IQSEC2: variants seen among roughly 807,000 people sequenced by gnomAD.
The protein encoded by IQSEC2 is IQ motif and SEC7 domain-containing protein 2.
IQSEC2 carries 6 observed loss-of-function variants against 74.6 expected under a neutral mutation model. The observed-to-expected ratio is 0.08, with a 90% CI of 0.04 to 0.16. IQSEC2 has a LOEUF of 0.16. Ranked by LOEUF, IQSEC2 falls within the 10% of genes least tolerant of loss-of-function variation. IQSEC2 has a pLI of 1.00. For missense variants in IQSEC2, 734 were observed against 1,306.2 expected (o/e 0.56, Z 6.75); for synonymous variants, 494 against 544.5 (o/e 0.91, Z 1.29).
chrX:53,319,860 G>A (rs782098259), intron 1 of IQSEC2, among the ~76,000 whole-genome samples: 17 of 110,671 alleles, frequency 1.5e-4, no homozygotes, highest in African/African-American at 5.6e-4. Context: ...TGCTCCCCCC[G>A]GCCAGAATGT....
rs782434002 is a variant in IQSEC2 at position 53,250,952 on chromosome X, G to A, written c.1624C>T (p.Arg542Trp). 5 of 1,210,051 alleles carry A rather than the reference G, an allele frequency of 4.1e-6. No homozygotes were observed. The highest frequency in any genetic ancestry group is 1.8e-5 in the South Asian group (1 of 56,847). Residue 542 changes from arginine to tryptophan, a missense_variant, in exon 5 of 15, where the codon CGG becomes TGG. Arg to Trp is a moderately radical substitution (Grantham distance 101). Around this residue, in one of 12 missense-constraint regions of IQSEC2, gnomAD observed 204 missense variants for 305.4 expected, o/e 0.67. Transcript: ENST00000642864. Reference protein sequence around the residue: ...LPSTEPPPQGRPEFWAPAPLP... With the variant: ...LPSTEPPPQGWPEFWAPAPLP... ...GGGGCTGGCGCCCAGAACTCGGGCC[G>A]GCCCTGGGGTGGGGGTTCTGTGCTG...
At chrX:53,266,538 G>T in intron 2 of IQSEC2, 1 of 760,670 alleles carries the variant, frequency 1.3e-6, no homozygotes, top group Non-Finnish European at 1.6e-6. Context: ...GCCCCCGTCT[G>T]GTCCTCTGAG....
intron 7 of IQSEC2, 53 bp downstream of exon 7, chrX:53,248,061 C>T: frequency 3.3e-6 from 4 of 1,196,471 alleles, no homozygotes; most frequent in Non-Finnish European, 4.5e-6. Context: ...ACACATACTA[C>T]GTCGATGCCC....
At chrX:53,248,049 A>G in intron 7 of IQSEC2, 65 bp downstream of exon 7, 1 of 1,173,108 alleles carries the variant, frequency 8.5e-7, no homozygotes, top group South Asian at 1.8e-5. Context: ...AGTGACTTAT[A>G]AACACATACT....
chrX:53,284,217 G>A lies in IQSEC2; in HGVS notation c.737+7678C>T, dbSNP rs149297408. ...CATCTCTAGCTTTGATCAGATCCTCGGATGGGTCTGTGATCCCAAAGGGTA... is the reference window on the plus strand; with the variant it reads ...CATCTCTAGCTTTGATCAGATCCTCAGATGGGTCTGTGATCCCAAAGGGTA... On this transcript the variant is annotated intron_variant, in intron 2 of 14. Transcript: ENST00000642864. Among the ~76,000 whole-genome samples the A allele has an allele frequency of 5.1e-3, 564 of 110,698 alleles. 2 individuals are homozygous for A. Among genetic ancestry groups the A allele is most frequent in the African/African-American group, 0.015 (468 of 30,372 alleles).
chrX:53,306,240 CA>C (rs2075261212), intron 1 of IQSEC2, among the ~76,000 whole-genome samples: 1 of 112,016 alleles, frequency 8.9e-6, no homozygotes, highest in Non-Finnish European at 1.9e-5. Context: ...GGCTGCCCTC[CA>C]AGCACCCAGC....
intron 2 of IQSEC2, among the ~76,000 whole-genome samples, chrX:53,270,072 C>T (rs1290700226): frequency 2.2e-5 from 2 of 91,997 alleles, no homozygotes; most frequent in African/African-American, 4.0e-5. Context: ...CCGGACCCGT[C>T]GAGCCCAATG....
At chrX:53,306,868 A>C (rs782270861) in intron 1 of IQSEC2, among the ~76,000 whole-genome samples, 1 of 111,280 alleles carries the variant, frequency 9.0e-6, no homozygotes. Flanking sequence ...GGAGGGAGAC[A>C]GTCAGGCCAG....
At chrX:53,244,757 A>G (rs1556861717) in intron 8 of IQSEC2, among the ~76,000 whole-genome samples, 1 of 111,647 alleles carries the variant, frequency 9.0e-6, no homozygotes, top group Non-Finnish European at 1.9e-5. Context: ...AAAAAGTTAC[A>G]TATGCATGGG....
At chrX:53,311,173 A>G (rs1440979904) in intron 1 of IQSEC2, among the ~76,000 whole-genome samples, 1 of 101,660 alleles carries the variant, frequency 9.8e-6, no homozygotes, top group Non-Finnish European at 2.0e-5. Context: ...GCTGGCATTC[A>G]TACTAGGGTG....
downstream of IQSEC2, chrX:53,231,628 C>A (rs868908915): frequency 9.0e-6 from 1 of 110,754 alleles, no homozygotes; most frequent in Non-Finnish European, 1.9e-5. Context: ...GGCAAGTCAC[C>A]GAGCCAGGAT....
intron 1 of IQSEC2, among the ~76,000 whole-genome samples, chrX:53,307,295 C>CTTT (rs60909741): frequency 0.012 from 662 of 55,691 alleles, no homozygotes; most frequent in Non-Finnish European, 0.019. Context: ...TTCTTTCTTT[C>CTTT]TTTTTTTTTT....
intron 1 of IQSEC2, among the ~76,000 whole-genome samples, chrX:53,316,500 C>T (rs1202507165): frequency 1.8e-5 from 2 of 110,639 alleles, no homozygotes; most frequent in Non-Finnish European, 3.8e-5. Context: ...TGCAAGCAGA[C>T]GACAGCATGT....
At chrX:53,260,595 C>T (rs782141892) in intron 2 of IQSEC2, among the ~76,000 whole-genome samples, 2 of 111,116 alleles carry the variant, frequency 1.8e-5, no homozygotes, top group African/African-American at 6.5e-5. Flanking sequence ...CCCATTGCCC[C>T]AACCTGGCTA....
At chrX:53,291,951 C>G (rs1460802532) in intron 1 of IQSEC2, 27 bp from the exon 2 acceptor site, 1 of 1,157,645 alleles carries the variant, frequency 8.6e-7, no homozygotes, top group Non-Finnish European at 1.2e-6. Context: ...GAAAAAAAAC[C>G]AAAACGGTCA....
chrX:53,245,865 T>A (rs1556861983), intron 8 of IQSEC2, among the ~76,000 whole-genome samples: 1 of 92,762 alleles, frequency 1.1e-5, no homozygotes, highest in Non-Finnish European at 2.0e-5. Context: ...GTTCTTTTTT[T>A]TTTTTTTTTT....
chrX:53,240,084 TG>T (rs1424357153), intron 10 of IQSEC2, among the ~76,000 whole-genome samples: 3 of 111,512 alleles, frequency 2.7e-5, no homozygotes, highest in African/African-American at 9.8e-5. Flanking sequence ...AGGTACTCCC[TG>T]GGGTAGGGCA....
chrX:53,287,235 A>T (rs2075042388), intron 2 of IQSEC2, among the ~76,000 whole-genome samples: 1 of 112,206 alleles, frequency 8.9e-6, no homozygotes, highest in Non-Finnish European at 1.9e-5. Flanking sequence ...AACAAAGTGT[A>T]CCCAGACTAA....
In IQSEC2 at chrX:53,234,753, G is replaced by C. The variant is rs1556859123; in HGVS notation, c.3933C>G (p.Ala1311=). 2 of 1,122,810 alleles carry C rather than the reference G, an allele frequency of 1.8e-6. No individual in the cohort carries two copies. The allele number at this position is 1,122,810 out of a possible 1,213,427, so 92.5% of individuals were successfully genotyped here. A position where few individuals can be genotyped will look rare whatever the true frequency, so the allele number is the denominator to read the frequency against. The change falls in exon 15 of 15, where the codon GCC becomes GCG. Residue 1311 remains alanine, a synonymous_variant. Coordinates refer to ENST00000642864, the MANE Select transcript of IQSEC2 (RefSeq NM_001111125.3). The part of the protein sequence containing the change: ...PQLGSIPPPP[A]SAPPVGPHRH... ...GATGTGGCCCCACAGGTGGGGCTGAGGCGGGAGGCGGTGGAATGGAGCCCA... is the reference window on the plus strand; with the variant it reads ...GATGTGGCCCCACAGGTGGGGCTGACGCGGGAGGCGGTGGAATGGAGCCCA...
Sources: gnomAD v4.1 joint callset for allele counts (sites outside exome capture counted in the v4.1 genomes callset) on GRCh38, gnomAD v4.1.1 for gene constraint, gnomAD v4.1.1 regional missense constraint, MANE v1.5 for transcripts, NCBI Gene and HGNC (gene_info 2026-07-23, HGNC 2026-07-21) for gene names.